The following PWWP3A variants were observed in gnomAD, a reference collection of about 807,000 sequenced individuals.
PWWP3A encodes the protein PWWP domain containing 3A, DNA repair factor.
Under a neutral mutation model 79.0 loss-of-function variants are expected in PWWP3A, and 53 were observed. The observed-to-expected ratio is 0.67, with a 90% CI of 0.54 to 0.84. PWWP3A has a LOEUF of 0.84. Among genes scored for constraint, PWWP3A ranks in the 40% least tolerant of loss-of-function variants. PWWP3A has a pLI of 0.00. For missense variants in PWWP3A, 973 were observed against 948.0 expected (o/e 1.03, Z -0.35); for synonymous variants, 443 against 394.4 (o/e 1.12, Z -1.46).
chr19:1,367,637 C>T (rs1019265172), intron 9 of PWWP3A, among the ~76,000 whole-genome samples: 1 of 152,208 alleles, frequency 6.6e-6, no homozygotes, highest in Non-Finnish European at 1.5e-5. Flanking sequence ...GCGTCGGGAG[C>T]CCTGTGGGCG....
chr19:1,355,335 C>A (rs1031980724), intron 1 of PWWP3A, among the ~76,000 whole-genome samples, 200 bp downstream of exon 1: 1 of 151,914 alleles, frequency 6.6e-6, no homozygotes, highest in Admixed American at 6.5e-5. Flanking sequence ...GACTCCTTTT[C>A]CCGTCCCTGC....
At chr19:1,375,665 A>G (rs1425709788) in intron 13 of PWWP3A, among the ~76,000 whole-genome samples, 1 of 115,108 alleles carries the variant, frequency 8.7e-6, no homozygotes, top group Non-Finnish European at 1.8e-5. Flanking sequence ...TATATTATAT[A>G]TAAAATGTAC....
intron 13 of PWWP3A, among the ~76,000 whole-genome samples, chr19:1,375,455 AATGT>A (rs1317227542): frequency 7.4e-6 from 1 of 135,024 alleles, no homozygotes; most frequent in Non-Finnish European, 1.5e-5. Flanking sequence ...ATTTATATAT[AATGT>A]ATATTATATA....
Position 1,357,078 on chromosome 19 carries a change from C to T in PWWP3A, c.127C>T (p.Leu43Phe), listed in dbSNP as rs1166229666. Residue 43 changes from leucine (L) to phenylalanine (F), a missense_variant, in exon 3 of 14, where the codon CTC becomes TTC. Transcript: ENST00000591337. ...GGAATATTTTCTAGCTGTGCAAATC[C>T]TCTCTCTAGAGGAAAAGTTAAGTGT... ...RKEYFLAVQI[L>F]SLEEKIKVKS... 1 of 1,611,546 alleles carries T rather than the reference C, an allele frequency of 6.2e-7. No individual in the cohort carries two copies. The highest frequency in any genetic ancestry group is 1.1e-5 in the South Asian group (1 of 90,428).
intron 6 of PWWP3A, 194 bp from the exon 7 acceptor site, chr19:1,364,315 T>C (rs2082083808): frequency 4.4e-6 from 3 of 688,732 alleles, no homozygotes; most frequent in Middle Eastern, 3.3e-4. Context: ...TCATCATTGG[T>C]GGTTAGACTC....
rs769342482 is a variant in PWWP3A, at chr19:1,360,863, G to A, written c.942G>A (p.Val314=). The change falls in exon 5 of 14, where the codon GTG becomes GTA. Residue 314 remains valine, a synonymous_variant. Transcript: ENST00000591337. This position sits in a 1 kb window ranked among gnomAD's most constrained non-coding sequence, Gnocchi z 4.4. The part of the protein sequence containing the change: ...RLDGSQRPPA[V]QLEPMAAGAA... ...ATGGCAGCCAAAGGCCGCCTGCCGT[G>A]CAGCTGGAGCCCATGGCAGCAGGGG... The A allele has an allele frequency of 9.1e-6, 14 of 1,546,548 alleles. No homozygotes were observed. Among genetic ancestry groups the A allele is most frequent in the Middle Eastern group, 3.4e-4 (2 of 5,900 alleles).
chr19:1,378,161 T>A lies in PWWP3A; in HGVS notation c.*1585T>A, dbSNP rs1444039706. 2 of 152,274 alleles carry A rather than the reference T, an allele frequency of 1.3e-5. No individual in the cohort carries two copies. Among genetic ancestry groups the A allele is most frequent in the Non-Finnish European group, 2.9e-5 (2 of 68,090 alleles). 9.4% of individuals were successfully genotyped at this position (152,274 alleles called of 1,614,324 possible). A position where few individuals can be genotyped will look rare whatever the true frequency, so the allele number is the denominator to read the frequency against. ...GCTGTCGGCCTTGGCCCCCTGCTGG[T>A]CGCTGTTTCGGGGACTCGGGGCGGC... is the stretch of plus-strand genomic sequence containing the variant. On this transcript the variant is annotated 3_prime_UTR_variant, in exon 14 of 14. Transcript: ENST00000591337.
Position 1,368,069 on chromosome 19 carries a change from C to T in PWWP3A, c.1422+849C>T, listed in dbSNP as rs534589433. 7.9e-5 allele frequency among the ~76,000 whole-genome samples: 12 copies of T among 152,270 alleles called. No individual in the cohort carries two copies. Among genetic ancestry groups the T allele is most frequent in the African/African-American group, 2.9e-4 (12 of 41,544 alleles). On this transcript the variant is annotated intron_variant, in intron 9 of 13. Coordinates refer to ENST00000591337, the MANE Select transcript of PWWP3A (RefSeq NM_001369789.1). The surrounding 1 kb of genome is among the most constrained non-coding windows in gnomAD (Gnocchi z 4.7). ...CCTTCCGAGTAGCTGGGACTACAGG[C>T]AGGCACCAGCACACCCGGCTAATTT...
At chr19:1,357,121 GT>G in intron 3 of PWWP3A, 27 bp downstream of exon 3, 4 of 1,542,028 alleles carry the variant, frequency 2.6e-6, no homozygotes, top group Non-Finnish European at 2.7e-6. Context: ...TTTTAATACT[GT>G]TTTTTCCCGT....
chr19:1,376,640 G>GC lies in PWWP3A; in HGVS notation c.*64_*65insC. On this transcript the variant is annotated 3_prime_UTR_variant, in exon 14 of 14. Coordinates refer to ENST00000591337, the MANE Select transcript of PWWP3A (RefSeq NM_001369789.1). ...GGAAGCGCCTCCAGTGTGCATGAGC[G>GC]TGTCTGAAGATGGGGGGCTCAGGGG... The GC allele has an allele frequency of 6.5e-7, 1 of 1,547,914 alleles. No homozygotes were observed.
At chr19:1,358,812 A>C in intron 4 of PWWP3A, 1 of 615,458 alleles carries the variant, frequency 1.6e-6, no homozygotes, top group South Asian at 1.5e-5. Context: ...TTCCTATAGT[A>C]AGATTTGCTG....
chr19:1,358,241 C>G (rs973692271), intron 3 of PWWP3A, 153 bp from the exon 4 acceptor site: 5 of 631,266 alleles, frequency 7.9e-6, no homozygotes, highest in Non-Finnish European at 1.4e-5. Context: ...TAACCTCAGG[C>G]AGATGAATTC....
chr19:1,357,092 A>G lies in PWWP3A; in HGVS notation c.141A>G (p.Glu47=). The G allele has an allele frequency of 6.2e-7, 1 of 1,601,064 alleles. No homozygotes were observed. Among genetic ancestry groups the G allele is most frequent in the Non-Finnish European group, 8.5e-7 (1 of 1,171,436 alleles). ...CTGTGCAAATCCTCTCTCTAGAGGA[A>G]AAGTTAAGTGTTGTGTTGTTTTAAT... The part of the protein sequence containing the change: ...FLAVQILSLE[E]KIKVKSTEVE... Residue 47 remains glutamate, a splice_region_variant and synonymous_variant, in exon 3 of 14, where the codon GAA becomes GAG. Transcript: ENST00000591337.
intron 13 of PWWP3A, among the ~76,000 whole-genome samples, chr19:1,374,686 A>G (rs974818189): frequency 1.3e-5 from 2 of 152,062 alleles, no homozygotes; most frequent in African/African-American, 4.8e-5. Flanking sequence ...CAATTGTTAT[A>G]ATTTTCCTTT....
intron 13 of PWWP3A, among the ~76,000 whole-genome samples, chr19:1,375,532 T>TTATATATAAAATATATATATAAA (rs1568965261): frequency 1.8e-5 from 2 of 112,072 alleles, no homozygotes; most frequent in East Asian, 2.3e-4. Context: ...ATATAATTTA[T>TTATATATAAAATATATATATAAA]ATATTTTATA....
chr19:1,372,959 T>A, intron 12 of PWWP3A, 113 bp from the exon 13 acceptor site: 1 of 776,540 alleles, frequency 1.3e-6, no homozygotes, highest in Admixed American at 2.2e-5. Flanking sequence ...AGCTAGACCA[T>A]GTCTGGAGGC....
chr19:1,374,352 A>G (rs899799058), intron 13 of PWWP3A: 1 of 152,222 alleles, frequency 6.6e-6, no homozygotes, highest in African/African-American at 2.4e-5. Context: ...CGCCGGGGAC[A>G]TGCTCAAAAT....
In PWWP3A at chr19:1,366,285, T is replaced by C; in HGVS notation, c.1285-20T>C. Reference sequence around the variant, plus strand: ...GATCTCTTTTGTTTTGACGTTTTATTTTCTTGGATTTGTGAACAGGTCAAA... The same window carrying C: ...GATCTCTTTTGTTTTGACGTTTTATCTTCTTGGATTTGTGAACAGGTCAAA... On this transcript the variant is annotated intron_variant, in intron 7 of 13. Transcript: ENST00000591337. 6.2e-7 allele frequency: 1 copy of C among 1,612,320 alleles called. No homozygotes were observed. The highest frequency in any genetic ancestry group is 8.5e-7 in the Non-Finnish European group (1 of 1,178,410).
chr19:1,366,004 G>A (rs974306525), intron 7 of PWWP3A, among the ~76,000 whole-genome samples: 9 of 152,274 alleles, frequency 5.9e-5, no homozygotes, highest in East Asian at 1.9e-4. Context: ...GCCCTGCTGA[G>A]CCGCTGGAGA....
Sources: gnomAD v4.1 joint callset for allele counts (sites outside exome capture counted in the v4.1 genomes callset) on GRCh38, gnomAD v4.1.1 for gene constraint, Gnocchi (gnomAD v3.1) non-coding constraint, MANE v1.5 for transcripts, NCBI Gene and HGNC (gene_info 2026-07-23, HGNC 2026-07-21) for gene names.